The following PLXNA4 variants were observed in gnomAD, a reference collection of about 807,000 sequenced individuals.
PLXNA4 encodes plexin A4, also known as plexin-A4.
A neutral mutation model predicts 191.8 loss-of-function variants in PLXNA4; 44 were observed. The ratio of observed to expected loss-of-function variants is 0.23; its 90% confidence interval spans 0.18 to 0.29. PLXNA4 has a LOEUF of 0.29. Among genes scored for constraint, PLXNA4 ranks in the 10% least tolerant of loss-of-function variants. The pLI is 1.00. For missense variants in PLXNA4, 1,800 were observed against 2,488.8 expected, an observed-to-expected ratio of 0.72 and a Z score of 5.89; for synonymous variants, 1,082 against 1,009.5, an observed-to-expected ratio of 1.07 and a Z score of -1.36.
chr7:132,405,234 G>A (rs1242359790), intron 3 of PLXNA4, among the ~76,000 whole-genome samples: 1 of 152,106 alleles, frequency 6.6e-6, no homozygotes, highest in African/African-American at 2.4e-5. Context: ...TGGAGCCTGG[G>A]CCTTGGTGAT....
intron 1 of PLXNA4, among the ~76,000 whole-genome samples, chr7:132,558,213 G>A (rs1195863275): frequency 6.6e-6 from 1 of 152,182 alleles, no homozygotes; most frequent in Non-Finnish European, 1.5e-5. Flanking sequence ...GTTAAATGCT[G>A]TTCCATGCCT....
intron 2 of PLXNA4, among the ~76,000 whole-genome samples, chr7:132,607,126 G>A (rs926456663): frequency 3.3e-5 from 5 of 152,264 alleles, no homozygotes; most frequent in African/African-American, 4.8e-5. Flanking sequence ...AAAGTTTAAC[G>A]AGACTAACCA....
In PLXNA4 at chr7:132,507,815, A is replaced by G. The variant is rs1213468453; in HGVS notation, c.879T>C (p.Tyr293=). The G allele has an allele frequency of 4.3e-6, 7 of 1,614,116 alleles. No homozygotes were observed. The highest frequency in any genetic ancestry group is 5.9e-6 in the Non-Finnish European group (7 of 1,180,028). ...LCKEDTAFNS[Y]VEVPIGCERS... ...GCTCACAGCCAATGGGCACCTCTACATAGGAGTTGAAGGCTGTGTCCTCCT... is the reference window on the plus strand; with the variant it reads ...GCTCACAGCCAATGGGCACCTCTACGTAGGAGTTGAAGGCTGTGTCCTCCT... The change falls in exon 2 of 32, where the codon TAT becomes TAC. Residue 293 remains tyrosine, a synonymous_variant. Coordinates refer to ENST00000321063, the MANE Select transcript of PLXNA4 (RefSeq NM_020911.2).
intron 12 of PLXNA4, among the ~76,000 whole-genome samples, chr7:132,201,661 A>G (rs1451577833): frequency 6.6e-6 from 1 of 152,204 alleles, no homozygotes; most frequent in Non-Finnish European, 1.5e-5. Flanking sequence ...CCATGGTGCC[A>G]CAGATGACAT....
At chr7:132,198,367 G>A (rs998870991) in intron 13 of PLXNA4, 118 bp downstream of exon 13, 5 of 1,410,484 alleles carry the variant, frequency 3.5e-6, no homozygotes, top group Non-Finnish European at 4.7e-6. Context: ...TATTGGGGTG[G>A]TTCTCCTTTT....
chr7:132,396,923 G>A (rs1003579361), intron 3 of PLXNA4, among the ~76,000 whole-genome samples: 2 of 152,262 alleles, frequency 1.3e-5, no homozygotes, highest in African/African-American at 4.8e-5. Context: ...CTTGGTGTGG[G>A]AAATAGAGCC....
intron 1 of PLXNA4, among the ~76,000 whole-genome samples, chr7:132,568,652 CT>C (rs1393360678): frequency 3.9e-5 from 6 of 152,176 alleles, no homozygotes; most frequent in Non-Finnish European, 2.9e-5. Flanking sequence ...GGAGCAGCTT[CT>C]TCACCATTAT....
intron 3 of PLXNA4, among the ~76,000 whole-genome samples, chr7:132,409,196 C>A (rs1396728196): frequency 6.6e-6 from 1 of 152,080 alleles, no homozygotes; most frequent in Non-Finnish European, 1.5e-5. Context: ...CCCTGTGAAG[C>A]CAGAAATCCA....
intron 1 of PLXNA4, among the ~76,000 whole-genome samples, chr7:132,528,133 C>T (rs1225808661): frequency 6.6e-6 from 1 of 152,170 alleles, no homozygotes; most frequent in African/African-American, 2.4e-5. Flanking sequence ...TTAACCAACT[C>T]GGGATGGTCG....
In PLXNA4 at chr7:132,194,156, G is replaced by T. The variant is rs757164280; in HGVS notation, c.2762C>A (p.Ala921Asp). 6.2e-7 allele frequency: 1 copy of T among 1,613,730 alleles called. No individual in the cohort carries two copies. The highest frequency in any genetic ancestry group is 1.3e-5 in the African/African-American group (1 of 75,024). ...AEQIVCEMGEAKPSQHAGFVE... is the reference protein window; with the variant it reads ...AEQIVCEMGEDKPSQHAGFVE... The stretch of plus-strand genomic sequence containing the variant: ...GAAGCCTGCATGCTGGCTGGGCTTG[G>T]CCTCCCCCATCTCACACACGATCCT... The change falls in exon 14 of 32, where the codon GCC becomes GAC. Residue 921 changes from alanine (A) to aspartate (D), a missense_variant. By Grantham distance (126) the Ala-to-Asp change is moderately radical. Coordinates refer to ENST00000321063, the MANE Select transcript of PLXNA4 (RefSeq NM_020911.2).
At chr7:132,375,294 G>A (rs1348648620) in intron 3 of PLXNA4, among the ~76,000 whole-genome samples, 9 of 111,716 alleles carry the variant, frequency 8.1e-5, no homozygotes, top group Non-Finnish European at 1.3e-4. Context: ...CCCCCCCCAC[G>A]CCCCAGCCCT....
chr7:132,451,461 G>A (rs868800205), intron 3 of PLXNA4, among the ~76,000 whole-genome samples: 3 of 152,070 alleles, frequency 2.0e-5, no homozygotes, highest in Admixed American at 6.5e-5. Flanking sequence ...GTCCACAAGG[G>A]CAGATGGGCC....
intron 21 of PLXNA4, 48 bp from the exon 22 acceptor site, chr7:132,168,620 T>C (rs1229238594): frequency 6.6e-7 from 1 of 1,524,902 alleles, no homozygotes; most frequent in Non-Finnish European, 8.8e-7. Context: ...GTTGGGGAGC[T>C]CAGTGACCTC....
At chr7:132,364,584 G>A (rs931868684) in intron 3 of PLXNA4, among the ~76,000 whole-genome samples, 1 of 152,152 alleles carries the variant, frequency 6.6e-6, no homozygotes, top group Non-Finnish European at 1.5e-5. Context: ...GACTTAAAAG[G>A]GCCCACAGAG....
intron 3 of PLXNA4, among the ~76,000 whole-genome samples, chr7:132,361,613 G>C (rs781124906): frequency 6.6e-6 from 1 of 152,178 alleles, no homozygotes; most frequent in African/African-American, 2.4e-5. Flanking sequence ...AAAATGTGGA[G>C]AGTGGGGCAG....
chr7:132,153,084 TG>T (rs1270646398), intron 25 of PLXNA4, among the ~76,000 whole-genome samples: 3 of 152,164 alleles, frequency 2.0e-5, no homozygotes, highest in Non-Finnish European at 4.4e-5. Flanking sequence ...AAGAGCCTGC[TG>T]GTCAGGGCAG....
At chr7:132,180,126 C>T (rs1478111183) in intron 19 of PLXNA4, among the ~76,000 whole-genome samples, 1 of 152,216 alleles carries the variant, frequency 6.6e-6, no homozygotes, top group African/African-American at 2.4e-5. Flanking sequence ...GGAAAAACCT[C>T]ACCTCCTCTT....
chr7:132,435,290 T>C (rs1795426431), intron 3 of PLXNA4, among the ~76,000 whole-genome samples: 2 of 151,746 alleles, frequency 1.3e-5, no homozygotes, highest in Non-Finnish European at 2.9e-5. Context: ...GGAAAGAAAA[T>C]AACCAAGGTG....
intron 3 of PLXNA4, among the ~76,000 whole-genome samples, chr7:132,411,270 T>C (rs1364081347): frequency 6.6e-6 from 1 of 152,194 alleles, no homozygotes; most frequent in African/African-American, 2.4e-5. Flanking sequence ...GCAGGTTACA[T>C]TTCCCCAGAC....
Sources: gnomAD v4.1 joint callset for allele counts (sites outside exome capture counted in the v4.1 genomes callset) on GRCh38, gnomAD v4.1.1 for gene constraint, MANE v1.5 for transcripts, NCBI Gene and HGNC (gene_info 2026-07-23, HGNC 2026-07-21) for gene names.